The following ARMC9 variants were observed in gnomAD, a reference collection of about 807,000 sequenced individuals.
ARMC9 encodes lisH domain-containing protein ARMC9.
Under a neutral mutation model 107.0 loss-of-function variants are expected in ARMC9, and 94 were observed. The observed-to-expected ratio is 0.88, with a 90% confidence interval of 0.74 to 1.04. The LOEUF is 1.04. Ranked by LOEUF, ARMC9 falls within the 50% of genes least tolerant of loss-of-function variation. The pLI is 0.00. For synonymous variants in ARMC9, 380 were observed against 396.9 expected, an observed-to-expected ratio of 0.96 and a Z score of 0.51; for missense variants, 942 against 1,030.1, an observed-to-expected ratio of 0.91 and a Z score of 1.17.
At chr2:231,363,226 T>C (rs2045664561) in intron 23 of ARMC9, among the ~76,000 whole-genome samples, 1 of 152,152 alleles carries the variant, frequency 6.6e-6, no homozygotes, top group Admixed American at 6.5e-5. Flanking sequence ...GATGAACAAG[T>C]AGGAGAAAGG....
chr2:231,241,558 T>G (rs2036304820), intron 9 of ARMC9, among the ~76,000 whole-genome samples: 2 of 152,176 alleles, frequency 1.3e-5, no homozygotes, highest in Admixed American at 6.5e-5. Context: ...CCACAGCTTT[T>G]AAGTGAGGGT....
rs536999698 is a variant in ARMC9 at position 231,209,233 on chromosome 2, T to C, written c.177+981T>C. ...CTCGTTTCTATAAAAAATAAAAAAT[T>C]GGCCGAGCATGGTGGCATGCACCTG... On this transcript the variant is annotated intron_variant, in intron 3 of 24. Transcript: ENST00000611582. Among the ~76,000 whole-genome samples, 11 of 152,088 alleles carry C rather than the reference T, an allele frequency of 7.2e-5. No individual in the cohort carries two copies. In the East Asian group the frequency reaches 1.9e-3, roughly 27 times the overall value.
At chr2:231,226,639 TG>T in intron 6 of ARMC9, 134 bp from the exon 7 acceptor site, 1 of 1,008,034 alleles carries the variant, frequency 9.9e-7, no homozygotes. Flanking sequence ...CAGCAACAGT[TG>T]GAGCTGGCCC....
At chr2:231,257,937 A>G (rs2037986408) in intron 10 of ARMC9, among the ~76,000 whole-genome samples, 1 of 152,138 alleles carries the variant, frequency 6.6e-6, no homozygotes, top group African/African-American at 2.4e-5. Context: ...GCGACAAGGA[A>G]GCTGAGGTGA....
chr2:231,371,778 G>A lies in ARMC9; in HGVS notation c.*243G>A. ...GGGAGAGCCTGGCATTGCCCTCCTG[G>A]AGAGGGGAATTTCCTGCTCACCCTT... is the stretch of plus-strand genomic sequence containing the variant. On this transcript the variant is annotated 3_prime_UTR_variant, in exon 25 of 25. Coordinates refer to ENST00000611582, the MANE Select transcript of ARMC9 (RefSeq NM_001352754.2). The A allele has an allele frequency of 2.5e-6, 1 of 393,676 alleles. No individual in the cohort carries two copies. Among genetic ancestry groups the A allele is most frequent in the Non-Finnish European group, 4.5e-6 (1 of 224,560 alleles). 24.4% of individuals were successfully genotyped at this position (393,676 alleles called of 1,614,324 possible).
chr2:231,235,861 C>T lies in ARMC9; in HGVS notation c.780+480C>T, dbSNP rs528465178. Among the ~76,000 whole-genome samples the T allele has an allele frequency of 5.9e-5, 9 of 152,304 alleles. No individual in the cohort carries two copies. The East Asian group carries it at 7.7e-4, about 13-fold the overall frequency. ...TTCTCCATGTTGGTCAGGCTGGTCTCGAACTCCTGACCTCAGGTGATCCGC... is the reference window on the plus strand; with the variant it reads ...TTCTCCATGTTGGTCAGGCTGGTCTTGAACTCCTGACCTCAGGTGATCCGC... On this transcript the variant is annotated intron_variant, in intron 8 of 24. Transcript: ENST00000611582.
chr2:231,208,193 A>G lies in ARMC9; in HGVS notation c.118A>G (p.Lys40Glu). 6.2e-7 allele frequency: 1 copy of G among 1,610,514 alleles called. No homozygotes were observed. The highest frequency in any genetic ancestry group is 8.5e-7 in the Non-Finnish European group (1 of 1,178,646). ...TTCAAAAGAATGCAAAATAAAAGGA[A>G]AACCATTGTGTAAAACAGTAGGCGG... is the stretch of plus-strand genomic sequence containing the variant. ...TFSKECKIKG[K>E]PLCKTVGGSF... Residue 40 changes from lysine (K) to glutamate (E), a missense_variant, in exon 3 of 25, where the codon AAA (lysine) becomes GAA (glutamate). Transcript: ENST00000611582.
At chr2:231,321,200 G>A (rs191466518) in intron 19 of ARMC9, among the ~76,000 whole-genome samples, 40 of 152,372 alleles carry the variant, frequency 2.6e-4, no homozygotes, top group Admixed American at 9.8e-4. Flanking sequence ...CCGCCCTTGC[G>A]ATCTAGAGAC....
At chr2:231,289,910 A>G (rs1439752197) in intron 17 of ARMC9, among the ~76,000 whole-genome samples, 1 of 152,186 alleles carries the variant, frequency 6.6e-6, no homozygotes, top group Non-Finnish European at 1.5e-5. Flanking sequence ...TTCAGCTACC[A>G]GATCTCTCTC....
At chr2:231,200,970 A>G (rs745387427) in intron 1 of ARMC9, among the ~76,000 whole-genome samples, 7 of 152,230 alleles carry the variant, frequency 4.6e-5, no homozygotes, top group Non-Finnish European at 8.8e-5. Context: ...CAGAGCATAC[A>G]TCAACCACAG....
rs58607252 is a variant in ARMC9 at position 231,237,175 on chromosome 2, C to CGTGTGTGTGTGTGTGTGT, written c.780+1809_780+1826dup. On this transcript the variant is annotated intron_variant, in intron 8 of 24. Coordinates refer to ENST00000611582, the MANE Select transcript of ARMC9 (RefSeq NM_001352754.2). ...ATTTTAGAACATTTCTCTGCGTATG[C>CGTGTGTGTGTGTGTGTGT]GTGTGTGTGTGTGTGTGTGTGTGTG... 1.1e-3 allele frequency among the ~76,000 whole-genome samples: 166 copies of CGTGTGTGTGTGTGTGTGT among 148,800 alleles called. 2 individuals are homozygous for CGTGTGTGTGTGTGTGTGT. Among genetic ancestry groups the CGTGTGTGTGTGTGTGTGT allele is most frequent in the African/African-American group, 3.8e-3 (154 of 40,680 alleles).
At chr2:231,284,227 A>G (rs1374143385) in intron 17 of ARMC9, among the ~76,000 whole-genome samples, 1 of 152,172 alleles carries the variant, frequency 6.6e-6, no homozygotes, top group Non-Finnish European at 1.5e-5. Flanking sequence ...AGGTTTGTAC[A>G]CTAGGATCTT....
chr2:231,284,553 G>A (rs554320580), intron 17 of ARMC9, among the ~76,000 whole-genome samples: 1 of 152,296 alleles, frequency 6.6e-6, no homozygotes, highest in East Asian at 1.9e-4. Flanking sequence ...TCCCCCTTGG[G>A]CCTCTCCATA....
At chr2:231,276,545 C>G in intron 14 of ARMC9, 91 bp from the exon 15 acceptor site, 1 of 1,547,582 alleles carries the variant, frequency 6.5e-7, no homozygotes, top group Non-Finnish European at 8.8e-7. Flanking sequence ...GCTGGGATTA[C>G]AGGCATGAGC....
chr2:231,356,781 A>T (rs1470863272), intron 22 of ARMC9, among the ~76,000 whole-genome samples: 4 of 152,238 alleles, frequency 2.6e-5, no homozygotes, highest in Non-Finnish European at 5.9e-5. Flanking sequence ...TGTAAATATT[A>T]ATATGCTCTC....
chr2:231,334,875 G>A (rs991723052), intron 20 of ARMC9, among the ~76,000 whole-genome samples: 5 of 152,020 alleles, frequency 3.3e-5, no homozygotes, highest in African/African-American at 7.2e-5. Flanking sequence ...CATTTTTGTC[G>A]CGTTTTGTGT....
chr2:231,359,376 C>CGTGCTCAGCTG (rs2045476547), intron 22 of ARMC9, among the ~76,000 whole-genome samples: 1 of 151,806 alleles, frequency 6.6e-6, no homozygotes, highest in Non-Finnish European at 1.5e-5. Flanking sequence ...CGTGAGCCAC[C>CGTGCTCAGCTG]GTGCTCAGCT....
chr2:231,347,233 C>T (rs771791328), intron 21 of ARMC9, among the ~76,000 whole-genome samples: 19 of 152,232 alleles, frequency 1.2e-4, no homozygotes, highest in Non-Finnish European at 2.8e-4. Flanking sequence ...TTTCCTGAAA[C>T]CATGGACCTT....
chr2:231,371,519 A>G lies in ARMC9; in HGVS notation c.2441A>G (p.Gln814Arg). 8.1e-7 allele frequency: 1 copy of G among 1,238,596 alleles called. No individual in the cohort carries two copies. Among genetic ancestry groups the G allele is most frequent in the Non-Finnish European group, 1.0e-6 (1 of 990,952 alleles). 76.7% of individuals were successfully genotyped at this position (1,238,596 alleles called of 1,614,324 possible). ...CTCTGGCTTTTCTCTCCAGGCAGCCAGTCTCACAGGAAGTAAGGATGTCCC... is the reference window on the plus strand; with the variant it reads ...CTCTGGCTTTTCTCTCCAGGCAGCCGGTCTCACAGGAAGTAAGGATGTCCC... ...ASSTRGLPSSQSHRK is the reference protein window; with the variant it reads ...ASSTRGLPSSRSHRK Residue 814 changes from glutamine (Q) to arginine (R), a missense_variant, in exon 25 of 25, where the codon CAG (glutamine) becomes CGG (arginine). Gln to Arg is a conservative substitution (Grantham distance 43). Coordinates refer to ENST00000611582, the MANE Select transcript of ARMC9 (RefSeq NM_001352754.2).
Sources: allele counts gnomAD v4.1 joint callset (sites outside exome capture counted in the v4.1 genomes callset), GRCh38; gene constraint gnomAD v4.1.1; transcripts MANE v1.5; gene names NCBI Gene and HGNC (gene_info 2026-07-23, HGNC 2026-07-21).